The following GNAI2 variants were observed in gnomAD, a reference collection of about 807,000 sequenced individuals.
GNAI2 encodes G protein subunit alpha i2.
A neutral mutation model predicts 36.8 loss-of-function variants in GNAI2; 4 were observed. That is an observed-to-expected ratio of 0.11 (90% CI 0.05 to 0.25). GNAI2 has a LOEUF of 0.25. Ranked by LOEUF, GNAI2 falls within the 10% of genes least tolerant of loss-of-function variation. The pLI is 1.00. For missense variants in GNAI2, 230 were observed against 481.3 expected (o/e 0.48, Z 4.89); for synonymous variants, 194 against 194.1 (o/e 1.00, Z 0.01).
intron 5 of GNAI2, 141 bp from the exon 6 acceptor site, chr3:50,256,582 A>C: frequency 2.2e-6 from 2 of 911,568 alleles, no homozygotes; most frequent in Non-Finnish European, 3.4e-6. Context: ...ACCAGGGGTG[A>C]AGTGGGCAAG....
upstream of GNAI2, chr3:50,236,140 GCCCAGGCCCCAC>G: frequency 7.1e-6 from 8 of 1,133,352 alleles, no homozygotes; most frequent in Non-Finnish European, 8.7e-6. The surrounding 1 kb of genome is among the most constrained non-coding windows in gnomAD (Gnocchi z 4.0). Flanking sequence ...GGCTTGGTTC[GCCCAGGCCCCAC>G]CCCCGGCCCG....
rs1228171003 is a variant in GNAI2, at chr3:50,256,133, G to A, written c.465-59G>A. On this transcript the variant is annotated intron_variant, in intron 4 of 8. Coordinates refer to ENST00000313601, the MANE Select transcript of GNAI2 (RefSeq NM_002070.4). The stretch of plus-strand genomic sequence containing the variant: ...AAGGGGCCTCTTGCAGCTGGCCCAG[G>A]GTCCAGCTAAGGAAGCCCCATGCTG... The A allele has an allele frequency of 5.3e-6, 5 of 949,662 alleles. No homozygotes were observed. The Admixed American group carries it at 9.7e-5, about 18-fold the overall frequency. 58.8% of individuals were successfully genotyped at this position (949,662 alleles called of 1,614,324 possible).
upstream of GNAI2, among the ~76,000 whole-genome samples, chr3:50,227,729 G>A (rs1157335202): frequency 1.3e-5 from 2 of 152,236 alleles, no homozygotes; most frequent in African/African-American, 4.8e-5. The surrounding 1 kb of genome is among the most constrained non-coding windows in gnomAD (Gnocchi z 5.9). Context: ...GTGGACAAGG[G>A]GGAAAATAAG....
chr3:50,243,802 C>A (rs1304942726), intron 1 of GNAI2, among the ~76,000 whole-genome samples: 1 of 152,098 alleles, frequency 6.6e-6, no homozygotes, highest in African/African-American at 2.4e-5. Context: ...CTGCCATGGC[C>A]CTTTGGGAGT....
At position 50,258,847 on chromosome 3, in the gene GNAI2, C is replaced by T; in HGVS notation, c.*504C>T. ...CGTGAGACGCCACCATTCCTGGAAA[C>T]CACAGTCCACCTGCTCATTCTCGTA... On this transcript the variant is annotated 3_prime_UTR_variant, in exon 9 of 9. Transcript: ENST00000313601. 2.3e-6 allele frequency: 1 copy of T among 430,650 alleles called. No individual in the cohort carries two copies. The highest frequency in any genetic ancestry group is 7.0e-5 in the East Asian group (1 of 14,304). 26.7% of individuals were successfully genotyped at this position (430,650 alleles called of 1,614,324 possible).
At chr3:50,244,817 G>A (rs1420788872) in intron 1 of GNAI2, among the ~76,000 whole-genome samples, 2 of 152,190 alleles carry the variant, frequency 1.3e-5, no homozygotes, top group African/African-American at 2.4e-5. Flanking sequence ...GAAGGCTTAG[G>A]AGAGCCAGAG....
At chr3:50,240,801 C>T (rs1164505642) in intron 1 of GNAI2, among the ~76,000 whole-genome samples, 2 of 151,784 alleles carry the variant, frequency 1.3e-5, no homozygotes, top group East Asian at 1.9e-4. Flanking sequence ...TGCCTGTAAT[C>T]CCAGCTATTC....
Position 50,241,385 on chromosome 3 carries a change from A to G in GNAI2, c.118+4932A>G, listed in dbSNP as rs782286491. On this transcript the variant is annotated intron_variant, in intron 1 of 8. Coordinates refer to ENST00000313601, the MANE Select transcript of GNAI2 (RefSeq NM_002070.4). The surrounding 1 kb of genome is among the most constrained non-coding windows in gnomAD (Gnocchi z 5.0). ...GAGCAGGCAGGGATAGAGCTCCCAC[A>G]CTAAGGAGTGAACAGGGGTCCAAGC... Among the ~76,000 whole-genome samples, 14 of 152,160 alleles carry G rather than the reference A, an allele frequency of 9.2e-5. No homozygotes were observed. Among genetic ancestry groups the G allele is most frequent in the Non-Finnish European group, 1.8e-4 (12 of 68,018 alleles).
At position 50,242,903 on chromosome 3, in the gene GNAI2, G is replaced by A. The variant is rs587611126; in HGVS notation, c.118+6450G>A. Among the ~76,000 whole-genome samples the A allele has an allele frequency of 5.9e-5, 9 of 152,208 alleles. No individual in the cohort carries two copies. The highest frequency in any genetic ancestry group is 2.1e-4 in the South Asian group (1 of 4,824). ...AAAGGAGGTGATGGCAGCACCTACTGTGTGTGCCCCCGGCGGGAGGAGGAG... is the reference window on the plus strand; with the variant it reads ...AAAGGAGGTGATGGCAGCACCTACTATGTGTGCCCCCGGCGGGAGGAGGAG... On this transcript the variant is annotated intron_variant, in intron 1 of 8. Coordinates refer to ENST00000313601, the MANE Select transcript of GNAI2 (RefSeq NM_002070.4). The surrounding 1 kb of genome is among the most constrained non-coding windows in gnomAD (Gnocchi z 4.8).
chr3:50,244,997 ATTTT>A (rs11431707), intron 1 of GNAI2, among the ~76,000 whole-genome samples: 1 of 139,872 alleles, frequency 7.1e-6, no homozygotes, highest in Non-Finnish European at 1.6e-5. Context: ...TGATGCTGTG[ATTTT>A]TTTTTTTTTT....
intron 1 of GNAI2, among the ~76,000 whole-genome samples, chr3:50,246,364 C>T (rs1553701778): frequency 6.6e-6 from 1 of 152,230 alleles, no homozygotes; most frequent in African/African-American, 2.4e-5. Flanking sequence ...CTGCCGGGCG[C>T]CCCCTGGTGG....
At position 50,256,170 on chromosome 3, in the gene GNAI2, CCCTCCCA is replaced by C; in HGVS notation, c.465-19_465-13del. ...GAAGCCCCATGCTGGCCCCCACTGA[CCCTCCCA>C]CCCCCCATCCCCAGCTACCTGAACG... On this transcript the variant is annotated splice_polypyrimidine_tract_variant and intron_variant, in intron 4 of 8. Transcript: ENST00000313601. 1.6e-6 allele frequency: 2 copies of C among 1,242,038 alleles called. No homozygotes were observed. The highest frequency in any genetic ancestry group is 2.3e-6 in the Non-Finnish European group (2 of 869,116). The allele number at this position is 1,242,038 out of a possible 1,614,324, so 76.9% of individuals were successfully genotyped here.
At chr3:50,250,779 T>C (rs1553702334) in intron 1 of GNAI2, among the ~76,000 whole-genome samples, 1 of 151,260 alleles carries the variant, frequency 6.6e-6, no homozygotes, top group Non-Finnish European at 1.5e-5. Flanking sequence ...AAGATCTGGC[T>C]CTGTTGTCTG....
In GNAI2 at chr3:50,256,232, A is replaced by C. The variant is rs782618510; in HGVS notation, c.505A>C (p.Ile169Leu). ...GGAGCGTATTGCACAGAGTGACTAC[A>C]TCCCCACACAGCAAGATGTGCTACG... ...DLERIAQSDY[I>L]PTQQDVLRTR... Residue 169 changes from isoleucine (I) to leucine (L), a missense_variant, in exon 5 of 9, where the codon ATC becomes CTC. This residue lies in a region of GNAI2 where 132 missense variants were observed against 247.4 expected (regional missense o/e 0.53). Transcript: ENST00000313601. 2.5e-6 allele frequency: 4 copies of C among 1,605,354 alleles called. No individual in the cohort carries two copies. In the South Asian group the frequency reaches 3.3e-5, roughly 13 times the overall value.
upstream of GNAI2, among the ~76,000 whole-genome samples, chr3:50,227,797 C>T: frequency 6.6e-6 from 1 of 152,192 alleles, no homozygotes; most frequent in South Asian, 2.1e-4. The surrounding 1 kb of genome is among the most constrained non-coding windows in gnomAD (Gnocchi z 5.9). Flanking sequence ...TGCAAGGTTG[C>T]ACCCTGCGCA....
In GNAI2 at chr3:50,258,860, G is replaced by A; in HGVS notation, c.*517G>A. On this transcript the variant is annotated 3_prime_UTR_variant, in exon 9 of 9. Transcript: ENST00000313601. ...CATTCCTGGAAACCACAGTCCACCT[G>A]CTCATTCTCGTAGCTTTTTAAAAAA... 4.6e-6 allele frequency: 2 copies of A among 438,132 alleles called. No homozygotes were observed. Among genetic ancestry groups the A allele is most frequent in the Non-Finnish European group, 9.0e-6 (2 of 222,606 alleles). The allele number at this position is 438,132 out of a possible 1,614,324, so 27.1% of individuals were successfully genotyped here.
At chr3:50,245,718 GT>G (rs1700401123) in intron 1 of GNAI2, among the ~76,000 whole-genome samples, 1 of 152,230 alleles carries the variant, frequency 6.6e-6, no homozygotes, top group African/African-American at 2.4e-5. Flanking sequence ...TCCTCACCCG[GT>G]GCCTGAGTTT....
chr3:50,250,696 G>T (rs1436421616), intron 1 of GNAI2, among the ~76,000 whole-genome samples: 6 of 152,176 alleles, frequency 3.9e-5, no homozygotes, highest in African/African-American at 1.4e-4. Flanking sequence ...CCCAGCCAGG[G>T]AGTTGGGTGG....
At chr3:50,246,822 C>T (rs1192659498) in intron 1 of GNAI2, 11 of 1,081,430 alleles carry the variant, frequency 1.0e-5, no homozygotes, top group Middle Eastern at 6.3e-4. Flanking sequence ...AGGAAGGAGG[C>T]CCCAGCTGTG....
Sources: gnomAD v4.1 joint callset for allele counts (sites outside exome capture counted in the v4.1 genomes callset) on GRCh38, gnomAD v4.1.1 for gene constraint, gnomAD v4.1.1 regional missense constraint, Gnocchi (gnomAD v3.1) non-coding constraint, MANE v1.5 for transcripts, NCBI Gene and HGNC (gene_info 2026-07-23, HGNC 2026-07-21) for gene names.